Variants in GRIK2 observed in about 807,000 individuals in gnomAD.
GRIK2 encodes the protein glutamate ionotropic receptor kainate type subunit 2.
In GRIK2, 32 loss-of-function variants were observed where a neutral mutation model predicts 100.3. That is an observed-to-expected ratio of 0.32 (90% CI 0.24 to 0.43). GRIK2 has a LOEUF of 0.43. GRIK2 is among the 20% of genes least tolerant of loss of function. The probability of loss-of-function intolerance (pLI) is 1.00; values close to 1 mark genes in which losing one functional copy is unlikely to be tolerated. For synonymous variants in GRIK2, 417 were observed against 389.4 expected (o/e 1.07, Z -0.83); for missense variants, 843 against 1,114.9 (o/e 0.76, Z 3.47).
intron 9 of GRIK2, among the ~76,000 whole-genome samples, chr6:101,813,059 A>G (rs1781433072): frequency 6.6e-6 from 1 of 152,096 alleles, no homozygotes; most frequent in Non-Finnish European, 1.5e-5. Context: ...ATATACATAA[A>G]TGCTATGTAT....
At chr6:101,468,555 G>A (rs2128255018) in intron 2 of GRIK2, among the ~76,000 whole-genome samples, 1 of 152,142 alleles carries the variant, frequency 6.6e-6, no homozygotes, top group East Asian at 1.9e-4. Context: ...GTTGTTCTAG[G>A]CCAAGGACTT....
chr6:101,579,958 T>C (rs1341565880), intron 2 of GRIK2, among the ~76,000 whole-genome samples: 1 of 152,174 alleles, frequency 6.6e-6, no homozygotes, highest in Non-Finnish European at 1.5e-5. Flanking sequence ...TCCAACTTTA[T>C]GACTACTTCT....
intron 2 of GRIK2, among the ~76,000 whole-genome samples, chr6:101,450,104 G>A (rs981821539): frequency 2.0e-5 from 3 of 151,578 alleles, no homozygotes; most frequent in African/African-American, 7.3e-5. Flanking sequence ...TGCAACTCAG[G>A]GAAATTATGT....
intron 6 of GRIK2, 47 bp downstream of exon 6, chr6:101,682,653 C>T (rs1202213800): frequency 1.2e-6 from 1 of 800,650 alleles, no homozygotes; most frequent in East Asian, 2.6e-5. Flanking sequence ...ATTATTATGA[C>T]TTTTTCAGAT....
At chr6:101,610,034 CTT>C (rs974786539) in intron 2 of GRIK2, among the ~76,000 whole-genome samples, 1 of 151,544 alleles carries the variant, frequency 6.6e-6, no homozygotes, top group Admixed American at 6.6e-5. Flanking sequence ...TTTTAAGAAA[CTT>C]TGCCAGAAAA....
chr6:101,995,125 A>G (rs547510855), intron 14 of GRIK2, among the ~76,000 whole-genome samples: 1 of 152,018 alleles, frequency 6.6e-6, no homozygotes, highest in South Asian at 2.1e-4. Context: ...GTGAAAATGA[A>G]CCCATGGTAG....
rs1421153534 is a variant in GRIK2 at position 102,069,613 on chromosome 6, A to G, written c.*1102A>G. On this transcript the variant is annotated 3_prime_UTR_variant, in exon 17 of 17. Transcript: ENST00000369134. ...ATCAATACAGTCACAATGTTAAATGAACAAAATTCTTGAACAGTTTTTTTT... is the reference window on the plus strand; with the variant it reads ...ATCAATACAGTCACAATGTTAAATGGACAAAATTCTTGAACAGTTTTTTTT... 6.6e-6 allele frequency: 1 copy of G among 152,006 alleles called. No individual in the cohort carries two copies. The highest frequency in any genetic ancestry group is 1.5e-5 in the Non-Finnish European group (1 of 67,968). 9.4% of individuals were successfully genotyped at this position (152,006 alleles called of 1,614,324 possible).
intron 7 of GRIK2, among the ~76,000 whole-genome samples, chr6:101,735,105 A>G (rs924332111): frequency 2.6e-5 from 4 of 152,100 alleles, no homozygotes; most frequent in Non-Finnish European, 4.4e-5. Flanking sequence ...GAAGAGGATG[A>G]CTTTAGTTTT....
intron 14 of GRIK2, among the ~76,000 whole-genome samples, chr6:102,006,391 T>TTTA (rs1554190604): frequency 1.3e-5 from 1 of 78,256 alleles, no homozygotes; most frequent in African/African-American, 1.1e-4. Context: ...TATATATATA[T>TTTA]TTTTTTTTTT....
intron 2 of GRIK2, among the ~76,000 whole-genome samples, chr6:101,588,433 G>A (rs2128305567): frequency 6.7e-6 from 1 of 149,762 alleles, no homozygotes; most frequent in South Asian, 2.1e-4. Flanking sequence ...AGGTTATCAA[G>A]AGCCATAAAT....
chr6:101,608,819 A>G (rs201497731), intron 2 of GRIK2, among the ~76,000 whole-genome samples: 29,443 of 113,596 alleles, frequency 0.26, 3,712 homozygotes, highest in African/African-American at 0.43. Flanking sequence ...GTGTGTATGT[A>G]TGTATGTGTG....
intron 2 of GRIK2, among the ~76,000 whole-genome samples, chr6:101,510,357 T>C (rs1042654924): frequency 3.9e-5 from 6 of 152,118 alleles, no homozygotes; most frequent in Non-Finnish European, 8.8e-5. Flanking sequence ...CTGGTGGTCA[T>C]GGTTGAAATG....
chr6:101,455,331 C>G (rs570661395), intron 2 of GRIK2, among the ~76,000 whole-genome samples: 1 of 152,194 alleles, frequency 6.6e-6, no homozygotes, highest in African/African-American at 2.4e-5. Flanking sequence ...TCTCTCCAAG[C>G]AAAATGCCAT....
chr6:101,766,348 T>A (rs370997367), intron 7 of GRIK2, among the ~76,000 whole-genome samples: 2 of 152,104 alleles, frequency 1.3e-5, no homozygotes. Flanking sequence ...TTTTAAAGAA[T>A]CTTGTGTTTA....
chr6:101,586,905 AAAAAAAAAGAG>A (rs1470950288), intron 2 of GRIK2, among the ~76,000 whole-genome samples: 10 of 150,370 alleles, frequency 6.7e-5, no homozygotes, highest in East Asian at 3.9e-4. Context: ...AAAAAAAAAA[AAAAAAAAAGAG>A]AGATATCAAA....
intron 4 of GRIK2, among the ~76,000 whole-genome samples, chr6:101,664,060 C>G (rs547061396): frequency 6.6e-6 from 1 of 152,268 alleles, no homozygotes; most frequent in South Asian, 2.1e-4. Flanking sequence ...AACAGAGAAA[C>G]AAAGAATTCC....
At chr6:101,531,563 A>C (rs1198349310) in intron 2 of GRIK2, among the ~76,000 whole-genome samples, 1 of 151,870 alleles carries the variant, frequency 6.6e-6, no homozygotes, top group East Asian at 1.9e-4. Context: ...ACCTATGTGG[A>C]TATAGGTATA....
At chr6:101,874,211 A>G (rs539142697) in intron 11 of GRIK2, among the ~76,000 whole-genome samples, 66 of 152,182 alleles carry the variant, frequency 4.3e-4, no homozygotes, top group African/African-American at 5.1e-4. Flanking sequence ...GTTTTCTTCT[A>G]GAGTTTTTAT....
intron 2 of GRIK2, among the ~76,000 whole-genome samples, chr6:101,579,488 CTCTT>C (rs138734607): frequency 0.057 from 8,045 of 142,128 alleles, 699 homozygotes; most frequent in African/African-American, 0.2. Flanking sequence ...CTTTTTCTTT[CTCTT>C]TCTTTCTTTT....
Sources: allele counts gnomAD v4.1 joint callset (sites outside exome capture counted in the v4.1 genomes callset), GRCh38; gene constraint gnomAD v4.1.1; transcripts MANE v1.5; gene names NCBI Gene and HGNC (gene_info 2026-07-23, HGNC 2026-07-21).